The following ST3GAL3 variants were observed in gnomAD, a reference collection of about 807,000 sequenced individuals.
The protein encoded by ST3GAL3 is ST3 beta-galactoside alpha-2,3-sialyltransferase 3.
In ST3GAL3, 21 loss-of-function variants were observed where a neutral mutation model predicts 50.1. The observed-to-expected ratio is 0.42, with a 90% CI of 0.30 to 0.60. ST3GAL3 has a LOEUF of 0.60. Among genes scored for constraint, ST3GAL3 ranks in the 20% least tolerant of loss-of-function variants. The pLI, the probability that ST3GAL3 is intolerant of heterozygous loss-of-function variation, is 0.19. For synonymous variants in ST3GAL3, 183 were observed against 190.0 expected (o/e 0.96, Z 0.30); for missense variants, 353 against 489.4 (o/e 0.72, Z 2.63).
chr1:43,708,220 G>A (rs923963184), intron 1 of ST3GAL3: 2 of 152,248 alleles, frequency 1.3e-5, no homozygotes, highest in Admixed American at 1.3e-4. Flanking sequence ...TTGCTTGCAA[G>A]AGAAAATATC....
At position 43,790,136 on chromosome 1, in the gene ST3GAL3, T is replaced by C. The variant is rs558499725; in HGVS notation, c.119-1966T>C. ...AACACATGGTTGTGAGAAAAAAATA[T>C]CGATGAAAGAGTGTCTGAAGATTTG... On this transcript the variant is annotated intron_variant, in intron 2 of 11. Coordinates refer to ENST00000347631, the MANE Select transcript of ST3GAL3 (RefSeq NM_006279.5). Among the ~76,000 whole-genome samples the C allele has an allele frequency of 7.0e-4, 106 of 152,278 alleles. 3 individuals are homozygous for C. In the Middle Eastern group the frequency reaches 0.01, roughly 15 times the overall value.
chr1:43,792,203 T>G (rs1398818296), intron 3 of ST3GAL3, 54 bp downstream of exon 3: 1 of 1,609,248 alleles, frequency 6.2e-7, no homozygotes, highest in Non-Finnish European at 8.5e-7. Context: ...TAGCCATATT[T>G]TTTGTGAAGC....
At chr1:43,758,164 C>G (rs933737179) in intron 2 of ST3GAL3, among the ~76,000 whole-genome samples, 4 of 126,636 alleles carry the variant, frequency 3.2e-5, no homozygotes, top group African/African-American at 1.1e-4. Flanking sequence ...TGCATACCAC[C>G]CCCCCCCCCA....
At chr1:43,776,710 T>C (rs1400559572) in intron 2 of ST3GAL3, among the ~76,000 whole-genome samples, 1 of 152,176 alleles carries the variant, frequency 6.6e-6, no homozygotes. Context: ...GAGGGTTCCC[T>C]TCCTCCCTGT....
intron 9 of ST3GAL3, among the ~76,000 whole-genome samples, chr1:43,908,360 A>G (rs1465065188): frequency 3.3e-5 from 5 of 152,102 alleles, no homozygotes; most frequent in Admixed American, 3.3e-4. Context: ...CATTTCCTAG[A>G]TGCAGTGGTT....
At chr1:43,885,455 G>T (rs985001702) in intron 5 of ST3GAL3, among the ~76,000 whole-genome samples, 5 of 152,156 alleles carry the variant, frequency 3.3e-5, no homozygotes, top group Non-Finnish European at 7.4e-5. Context: ...TGCTGGCGGG[G>T]CTGGCGGGCT....
chr1:43,801,147 A>G (rs2059269614), intron 3 of ST3GAL3: 2 of 389,514 alleles, frequency 5.1e-6, no homozygotes, highest in Non-Finnish European at 1.0e-5. Flanking sequence ...TTCTGATAGA[A>G]CCAAGTTCAT....
At chr1:43,734,602 GC>G (rs967417579) in intron 1 of ST3GAL3, among the ~76,000 whole-genome samples, 22 of 152,166 alleles carry the variant, frequency 1.4e-4, no homozygotes, top group African/African-American at 5.1e-4. Flanking sequence ...GAGCCACTGT[GC>G]CCAGCCCACC....
chr1:43,775,828 A>C (rs906001801), intron 2 of ST3GAL3, among the ~76,000 whole-genome samples: 3 of 152,012 alleles, frequency 2.0e-5, no homozygotes, highest in Non-Finnish European at 4.4e-5. Flanking sequence ...CCTCAATATA[A>C]TATTAAGTAA....
At chr1:43,779,638 C>T (rs1698689258) in intron 2 of ST3GAL3, among the ~76,000 whole-genome samples, 1 of 152,176 alleles carries the variant, frequency 6.6e-6, no homozygotes, top group African/African-American at 2.4e-5. Flanking sequence ...AATACTCTGT[C>T]ACACTCACCA....
At chr1:43,825,823 C>T (rs2062723143) in intron 4 of ST3GAL3, among the ~76,000 whole-genome samples, 3 of 152,030 alleles carry the variant, frequency 2.0e-5, no homozygotes, top group African/African-American at 7.3e-5. Flanking sequence ...AATAGAAGTA[C>T]AGAGTAGAAA....
At chr1:43,880,946 A>G (rs2075014404) in intron 5 of ST3GAL3, among the ~76,000 whole-genome samples, 1 of 151,804 alleles carries the variant, frequency 6.6e-6, no homozygotes, top group South Asian at 2.1e-4. Flanking sequence ...TTGATCATGT[A>G]TTTCATAACT....
chr1:43,824,756 G>A (rs1325162730), intron 4 of ST3GAL3: 16 of 1,613,844 alleles, frequency 9.9e-6, no homozygotes, highest in Admixed American at 1.7e-5. Flanking sequence ...CTGCACGGTG[G>A]TTTTTGGCCT....
At chr1:43,891,417 A>C (rs923993383) in intron 5 of ST3GAL3, among the ~76,000 whole-genome samples, 13 of 152,286 alleles carry the variant, frequency 8.5e-5, no homozygotes, top group African/African-American at 3.1e-4. Flanking sequence ...TTAAAATACA[A>C]AATTAACCGG....
At chr1:43,755,455 CAACTT>C (rs998445753) in intron 2 of ST3GAL3, among the ~76,000 whole-genome samples, 2 of 152,158 alleles carry the variant, frequency 1.3e-5, no homozygotes, top group Admixed American at 6.5e-5. Context: ...AATAATTAAT[CAACTT>C]AAGTATACAC....
intron 9 of ST3GAL3, among the ~76,000 whole-genome samples, chr1:43,918,530 C>T (rs1205079404): frequency 1.3e-5 from 2 of 152,118 alleles, no homozygotes; most frequent in African/African-American, 4.8e-5. Context: ...TCATTTGTTC[C>T]CATAACCTAT....
At chr1:43,745,249 A>T (rs759397962) in intron 2 of ST3GAL3, among the ~76,000 whole-genome samples, 5 of 152,260 alleles carry the variant, frequency 3.3e-5, no homozygotes, top group Non-Finnish European at 7.3e-5. Flanking sequence ...TTTTGGACAT[A>T]TGTAGAGGTA....
At chr1:43,778,797 C>T (rs1698301325) in intron 2 of ST3GAL3, among the ~76,000 whole-genome samples, 1 of 151,682 alleles carries the variant, frequency 6.6e-6, no homozygotes. Context: ...AGGCACCCGC[C>T]ACAACGCCCG....
In ST3GAL3 at chr1:43,814,857, G is replaced by C. The variant is rs757302133; in HGVS notation, c.167-34G>C. The C allele has an allele frequency of 3.7e-6, 6 of 1,611,872 alleles. No individual in the cohort carries two copies. The Admixed American group carries it at 8.3e-5, about 22-fold the overall frequency. On this transcript the variant is annotated intron_variant, in intron 3 of 11. Coordinates refer to ENST00000347631, the MANE Select transcript of ST3GAL3 (RefSeq NM_006279.5). ...AATATGCTAGTATCATCAGTGACTT[G>C]ACTTCAGTGACATTTTCTGCTTTTC...
Sources: gnomAD v4.1 joint callset for allele counts (sites outside exome capture counted in the v4.1 genomes callset) on GRCh38, gnomAD v4.1.1 for gene constraint, MANE v1.5 for transcripts, NCBI Gene and HGNC (gene_info 2026-07-23, HGNC 2026-07-21) for gene names.